Variants in EIF2AK1 observed in about 807,000 individuals in gnomAD.
The protein encoded by EIF2AK1 is eukaryotic translation initiation factor 2 alpha kinase 1, also known as eukaryotic translation initiation factor 2-alpha kinase 1.
Under a neutral mutation model 77.9 loss-of-function variants are expected in EIF2AK1, and 54 were observed. That is an observed-to-expected ratio of 0.69 (90% confidence interval 0.56 to 0.87). The LOEUF (loss-of-function observed/expected upper bound fraction) is 0.87, where lower values mean the gene tolerates loss of function less well. Ranked by LOEUF, EIF2AK1 falls within the 40% of genes least tolerant of loss-of-function variation. The pLI is 0.00. For synonymous variants in EIF2AK1, 314 were observed against 290.5 expected (o/e 1.08, Z -0.82); for missense variants, 810 against 768.6 (o/e 1.05, Z -0.64).
chr7:6,029,747 C>T (rs1159484178), intron 11 of EIF2AK1, among the ~76,000 whole-genome samples: 3 of 152,076 alleles, frequency 2.0e-5, no homozygotes, highest in Admixed American at 1.3e-4. Context: ...CTTTAGGAGG[C>T]TGAGGCGGGC....
At chr7:6,056,598 G>GGAAAAAAAAAAA (rs1554324652) in intron 1 of EIF2AK1, among the ~76,000 whole-genome samples, 1 of 48,816 alleles carries the variant, frequency 2.0e-5, no homozygotes, top group Admixed American at 2.5e-4. Flanking sequence ...CATCTCAAGG[G>GGAAAAAAAAAAA]AAAAAAAAAA....
chr7:6,048,708 T>A (rs523254), intron 4 of EIF2AK1, 99 bp downstream of exon 4: 6 of 997,942 alleles, frequency 6.0e-6, no homozygotes, highest in Non-Finnish European at 8.9e-6. Flanking sequence ...TGTTCATAAA[T>A]AATACTAACA....
chr7:6,055,266 C>T (rs1788716555), intron 1 of EIF2AK1, among the ~76,000 whole-genome samples: 1 of 139,278 alleles, frequency 7.2e-6, no homozygotes, highest in Admixed American at 8.0e-5. Context: ...TAGCTTGAAC[C>T]TGGGAGGCAG....
rs1788093540 is a variant in EIF2AK1, at chr7:6,036,341, A to G, written c.1332+1083T>C. 1 of 1,534,458 alleles carries G rather than the reference A, an allele frequency of 6.5e-7. No individual in the cohort carries two copies. The highest frequency in any genetic ancestry group is 8.8e-7 in the Non-Finnish European group (1 of 1,141,316). ...TGAAGCAATTCCTCCCAGTGACAATATGGAATTCTGTCTACTGCTGTTATG... is the reference window on the plus strand; with the variant it reads ...TGAAGCAATTCCTCCCAGTGACAATGTGGAATTCTGTCTACTGCTGTTATG... On this transcript the variant is annotated intron_variant, in intron 11 of 14. Coordinates refer to ENST00000199389, the MANE Select transcript of EIF2AK1 (RefSeq NM_014413.4). This position sits in a 1 kb window ranked among gnomAD's most constrained non-coding sequence, Gnocchi z 4.6.
intron 4 of EIF2AK1, chr7:6,047,672 C>CA (rs55810408): frequency 0.065 from 9,333 of 144,630 alleles, 552 homozygotes; most frequent in East Asian, 0.34. Flanking sequence ...GACTCTGTCT[C>CA]AAAAAAAAAA....
At chr7:6,050,883 A>G (rs923924101) in intron 2 of EIF2AK1, among the ~76,000 whole-genome samples, 4 of 152,032 alleles carry the variant, frequency 2.6e-5, no homozygotes, top group Non-Finnish European at 5.9e-5. Flanking sequence ...GATTACAGGC[A>G]TGAGCCACTG....
In EIF2AK1 at chr7:6,024,333, TTGGGCAG is replaced by T. The variant is rs1562737755; in HGVS notation, c.*333_*339del. ...CCAGTGAGTATGTGCAGGCCCGGGCTTGGGCAGTGACGAGGGCAGGGAGCACACATCA... is the reference window on the plus strand; with the variant it reads ...CCAGTGAGTATGTGCAGGCCCGGGCTTGACGAGGGCAGGGAGCACACATCA... On this transcript the variant is annotated 3_prime_UTR_variant, in exon 15 of 15. Coordinates refer to ENST00000199389, the MANE Select transcript of EIF2AK1 (RefSeq NM_014413.4). The T allele has an allele frequency of 8.2e-7, 1 of 1,223,142 alleles. No individual in the cohort carries two copies. The highest frequency in any genetic ancestry group is 1.0e-6 in the Non-Finnish European group (1 of 967,206). The allele number at this position is 1,223,142 out of a possible 1,614,324, so 75.8% of individuals were successfully genotyped here. A position where few individuals can be genotyped will look rare whatever the true frequency, so the allele number is the denominator to read the frequency against.
chr7:6,037,824 C>T (rs1354251334), intron 10 of EIF2AK1, among the ~76,000 whole-genome samples: 1 of 151,642 alleles, frequency 6.6e-6, no homozygotes, highest in East Asian at 1.9e-4. Flanking sequence ...TTAAATAATT[C>T]TCGGGTATCA....
chr7:6,054,456 A>G, intron 2 of EIF2AK1, 90 bp downstream of exon 2: 7 of 1,436,324 alleles, frequency 4.9e-6, no homozygotes, highest in Non-Finnish European at 5.8e-6. Flanking sequence ...CGCCCACCTC[A>G]GCCTCCCAAA....
chr7:6,026,626 TC>T, intron 14 of EIF2AK1, 101 bp downstream of exon 14: 1 of 910,092 alleles, frequency 1.1e-6, no homozygotes, highest in South Asian at 1.4e-5. Flanking sequence ...ATCTGGCTCT[TC>T]CAGCCCCAGC....
chr7:6,044,647 C>A lies in EIF2AK1; in HGVS notation c.645G>T (p.Val215=). 8 of 1,613,914 alleles carry A rather than the reference C, an allele frequency of 5.0e-6. No individual in the cohort carries two copies. The highest frequency in any genetic ancestry group is 6.8e-6 in the Non-Finnish European group (8 of 1,179,882). Residue 215 remains valine (V), a synonymous_variant, in exon 7 of 15, where the codon GTG becomes GTT. Transcript: ENST00000199389. The part of the protein sequence containing the change: ...KTVCMKVLRE[V]KVLAGLQHPN... ...GGTGCTGAAGACCTGCCAGCACCTT[C>A]ACTTCCCGTAGGACCTAGAAAAGAA... is the stretch of plus-strand genomic sequence containing the variant.
chr7:6,053,092 CTGAAT>C (rs1412629934), intron 2 of EIF2AK1, among the ~76,000 whole-genome samples: 2 of 152,120 alleles, frequency 1.3e-5, no homozygotes, highest in East Asian at 1.9e-4. Flanking sequence ...AAAATGTAAG[CTGAAT>C]TGAAGTAGGG....
rs55835427 is a variant in EIF2AK1 at position 6,045,949 on chromosome 7, T to C, written c.630+122A>G. 1,254 of 565,398 alleles carry C rather than the reference T, an allele frequency of 2.2e-3. 1 individual carries two copies. Among genetic ancestry groups the C allele is most frequent in the Non-Finnish European group, 3.4e-3 (1,116 of 331,446 alleles). The allele number at this position is 565,398 out of a possible 1,614,324, so 35.0% of individuals were successfully genotyped here. On this transcript the variant is annotated intron_variant, in intron 6 of 14. Transcript: ENST00000199389. ...TTTTGGTACTTTACTATAACCCCAT[T>C]CCTAGTAAACTGGAAATCCACACCG...
intron 2 of EIF2AK1, 36 bp from the exon 3 acceptor site, chr7:6,050,081 A>G (rs1350103744): frequency 1.5e-5 from 24 of 1,556,322 alleles, no homozygotes; most frequent in Middle Eastern, 1.7e-4. Context: ...TATTAGAAAC[A>G]TCTTTAATAA....
chr7:6,036,568 GTT>G lies in EIF2AK1; in HGVS notation c.1332+854_1332+855del, dbSNP rs113118485. Among the ~76,000 whole-genome samples, 4 of 144,010 alleles carry G rather than the reference GTT, an allele frequency of 2.8e-5. No individual in the cohort carries two copies. The highest frequency in any genetic ancestry group is 2.0e-4 in the East Asian group (1 of 5,012). 94.5% of individuals were successfully genotyped at this position (144,010 alleles called of 152,430 possible). On this transcript the variant is annotated intron_variant, in intron 11 of 14. Transcript: ENST00000199389. This position sits in a 1 kb window ranked among gnomAD's most constrained non-coding sequence, Gnocchi z 4.6. Reference sequence around the variant, plus strand: ...TGTCTATTAACATTTTTGTTCCTAGGTTTTTTTTTTTTTCATGCCCTTTCCAT... The same window carrying G: ...TGTCTATTAACATTTTTGTTCCTAGGTTTTTTTTTTTCATGCCCTTTCCAT...
intron 2 of EIF2AK1, among the ~76,000 whole-genome samples, chr7:6,053,750 C>T (rs1237674031): frequency 6.6e-6 from 1 of 150,816 alleles, no homozygotes; most frequent in Non-Finnish European, 1.5e-5. Context: ...TCACTGCAAC[C>T]TCCGCCACCC....
chr7:6,027,915 A>C lies in EIF2AK1; in HGVS notation c.1530+700T>G, dbSNP rs1302194347. 6.6e-6 allele frequency: 3 copies of C among 451,836 alleles called. No individual in the cohort carries two copies. Among genetic ancestry groups the C allele is most frequent in the Non-Finnish European group, 8.9e-6 (2 of 225,732 alleles). 28.0% of individuals were successfully genotyped at this position (451,836 alleles called of 1,614,324 possible). ...ATCTCTACAAATAATTTTTTTTATT[A>C]GCTGGGTGTGGTAGCACAACTCTTG... On this transcript the variant is annotated intron_variant, in intron 13 of 14. Coordinates refer to ENST00000199389, the MANE Select transcript of EIF2AK1 (RefSeq NM_014413.4). This position sits in a 1 kb window ranked among gnomAD's most constrained non-coding sequence, Gnocchi z 4.5.
intron 1 of EIF2AK1, among the ~76,000 whole-genome samples, chr7:6,056,613 A>AAAAAAAAAATATATATATATATAT: frequency 2.3e-5 from 1 of 43,736 alleles, no homozygotes; most frequent in Admixed American, 2.4e-4. Flanking sequence ...AAAAAAAAAA[A>AAAAAAAAAATATATATATATATAT]ATATATATAT....
chr7:6,056,004 A>AC (rs1209629409), intron 1 of EIF2AK1, among the ~76,000 whole-genome samples: 1 of 146,638 alleles, frequency 6.8e-6, no homozygotes, highest in East Asian at 2.0e-4. Context: ...AAAAAAAAAA[A>AC]AAAACTAGCT....
Sources: allele counts gnomAD v4.1 joint callset (sites outside exome capture counted in the v4.1 genomes callset), GRCh38; gene constraint gnomAD v4.1.1; non-coding constraint Gnocchi (gnomAD v3.1); transcripts MANE v1.5; gene names NCBI Gene and HGNC (gene_info 2026-07-23, HGNC 2026-07-21).